Variants in MICAL2 observed in about 807,000 individuals in gnomAD.
MICAL2 encodes the protein microtubule associated monooxygenase, calponin and LIM domain containing 2.
A neutral mutation model predicts 127.3 loss-of-function variants in MICAL2; 77 were observed. The observed-to-expected ratio is 0.60, with a 90% CI of 0.50 to 0.73. The LOEUF (loss-of-function observed/expected upper bound fraction) is 0.73. MICAL2 is among the 30% of genes least tolerant of loss of function. The pLI, the probability that MICAL2 is intolerant of heterozygous loss-of-function variation, is 0.00. For missense variants in MICAL2, 1,351 were observed against 1,434.4 expected (o/e 0.94, Z 0.94); for synonymous variants, 570 against 551.1 (o/e 1.03, Z -0.48).
rs1171490597 is a variant in MICAL2 at position 12,212,950 on chromosome 11, G to A, written c.692-305G>A. Reference sequence around the variant, plus strand: ...TGTGGGTCTCTCATGAGTGTATCTAGCAACAATGCCTGACACATCCTTACA... The same window carrying A: ...TGTGGGTCTCTCATGAGTGTATCTAACAACAATGCCTGACACATCCTTACA... On this transcript the variant is annotated intron_variant, in intron 6 of 27. Coordinates refer to ENST00000683283, the MANE Select transcript of MICAL2 (RefSeq NM_001282663.2). Among the ~76,000 whole-genome samples, 4 of 152,174 alleles carry A rather than the reference G, an allele frequency of 2.6e-5. No homozygotes were observed. In the South Asian group the frequency reaches 6.2e-4, roughly 24 times the overall value.
chr11:12,339,608 T>G (rs530326508), intron 32 of MICAL2, among the ~76,000 whole-genome samples: 1 of 152,154 alleles, frequency 6.6e-6, no homozygotes, highest in Non-Finnish European at 1.5e-5. Flanking sequence ...ATGATGGTGA[T>G]GTACAGATGG....
chr11:12,317,948 T>G (rs1271715830), intron 29 of MICAL2, among the ~76,000 whole-genome samples: 4 of 152,234 alleles, frequency 2.6e-5, no homozygotes. Flanking sequence ...GAAATTTCAA[T>G]GGAAATATTT....
chr11:12,286,730 C>A (rs949925570), intron 2 of MICAL2, among the ~76,000 whole-genome samples: 1 of 152,144 alleles, frequency 6.6e-6, no homozygotes, highest in African/African-American at 2.4e-5. Context: ...AAAAAATTAT[C>A]TGCGTGTCGT....
intron 3 of MICAL2, among the ~76,000 whole-genome samples, chr11:12,181,828 G>T (rs1184774932): frequency 6.6e-6 from 1 of 152,254 alleles, no homozygotes; most frequent in African/African-American, 2.4e-5. Context: ...GGTAGTGCTA[G>T]TCTGGTACAC....
chr11:12,359,334 CAAAA>C (rs138650957), downstream of MICAL2, among the ~76,000 whole-genome samples: 1,590 of 137,274 alleles, frequency 0.012, 8 homozygotes, highest in Middle Eastern at 0.015. Flanking sequence ...TTGATGATGG[CAAAA>C]AAAAAAAAAA....
intron 30 of MICAL2, among the ~76,000 whole-genome samples, chr11:12,322,665 C>T (rs555677787): frequency 6.6e-6 from 1 of 152,138 alleles, no homozygotes; most frequent in Non-Finnish European, 1.5e-5. Context: ...AGAAGGCAAA[C>T]GAGTAAAAAT....
chr11:12,251,637 T>C (rs910256293), intron 22 of MICAL2, among the ~76,000 whole-genome samples: 2 of 127,834 alleles, frequency 1.6e-5, no homozygotes, highest in African/African-American at 3.0e-5. Flanking sequence ...GATGTGTGGG[T>C]GCCACGGGGA....
chr11:12,307,518 CAT>C (rs1864126714), intron 29 of MICAL2, among the ~76,000 whole-genome samples: 1 of 152,184 alleles, frequency 6.6e-6, no homozygotes, highest in African/African-American at 2.4e-5. Context: ...AAGAATTCCT[CAT>C]ATGTTTTCTC....
At chr11:12,259,970 T>C in intron 26 of MICAL2, 73 bp downstream of exon 26, 13 of 1,576,092 alleles carry the variant, frequency 8.2e-6, no homozygotes, top group Non-Finnish European at 9.5e-6. Context: ...TGTAACTGGA[T>C]GCAGGGACTC....
At chr11:12,335,142 G>C (rs77514603) in intron 32 of MICAL2, among the ~76,000 whole-genome samples, 1 of 140,744 alleles carries the variant, frequency 7.1e-6, no homozygotes, top group Non-Finnish European at 1.5e-5. Flanking sequence ...AATGATTGCC[G>C]TTCTAACTGG....
chr11:12,354,000 A>G (rs950296324), intron 33 of MICAL2, among the ~76,000 whole-genome samples: 5 of 152,218 alleles, frequency 3.3e-5, no homozygotes, highest in Admixed American at 6.5e-5. Flanking sequence ...TATGCTAGTC[A>G]TTTCTTCACT....
intron 15 of MICAL2, among the ~76,000 whole-genome samples, chr11:12,235,971 G>A (rs552001293): frequency 2.6e-5 from 4 of 152,298 alleles, no homozygotes; most frequent in Admixed American, 6.5e-5. Flanking sequence ...GGTTCTCTCC[G>A]CTGTGCCTGA....
intron 1 of MICAL2, among the ~76,000 whole-genome samples, chr11:12,125,528 A>G (rs971892975): frequency 2.6e-5 from 4 of 151,964 alleles, no homozygotes; most frequent in African/African-American, 7.2e-5. Context: ...TGCTGGGATT[A>G]CAGGCGTGAG....
chr11:12,326,781 C>T (rs559124332), intron 31 of MICAL2, among the ~76,000 whole-genome samples: 4 of 152,276 alleles, frequency 2.6e-5, no homozygotes, highest in African/African-American at 9.6e-5. Context: ...ACTTTGTTTG[C>T]CCCTGGACCC....
intron 29 of MICAL2, among the ~76,000 whole-genome samples, chr11:12,299,692 A>G (rs184659862): frequency 7.2e-5 from 11 of 152,336 alleles, no homozygotes; most frequent in Admixed American, 3.3e-4. Context: ...TTACATACAT[A>G]CAGTAACATC....
At chr11:12,252,255 T>G (rs1256960274) in intron 22 of MICAL2, among the ~76,000 whole-genome samples, 1 of 152,184 alleles carries the variant, frequency 6.6e-6, no homozygotes, top group Non-Finnish European at 1.5e-5. Context: ...GGGGCTAAAT[T>G]TCTTGGCATT....
chr11:12,324,830 C>G (rs1864337418), intron 31 of MICAL2, among the ~76,000 whole-genome samples: 3 of 152,184 alleles, frequency 2.0e-5, no homozygotes, highest in Admixed American at 2.0e-4. Context: ...CCGTGGCTGA[C>G]TTGGGAGCTA....
downstream of MICAL2, among the ~76,000 whole-genome samples, chr11:12,289,549 ACCT>A (rs1863868837): frequency 7.8e-6 from 1 of 127,918 alleles, no homozygotes; most frequent in East Asian, 2.3e-4. Context: ...GCCACTGGGC[ACCT>A]CTTGTTTTTT....
At chr11:12,310,782 G>A (rs1427946821) in intron 29 of MICAL2, among the ~76,000 whole-genome samples, 3 of 151,970 alleles carry the variant, frequency 2.0e-5, no homozygotes, top group East Asian at 3.9e-4. Flanking sequence ...ACATTTTAAC[G>A]ATATTCTTCC....
Sources: gnomAD v4.1 joint callset for allele counts (sites outside exome capture counted in the v4.1 genomes callset) on GRCh38, gnomAD v4.1.1 for gene constraint, MANE v1.5 for transcripts, NCBI Gene and HGNC (gene_info 2026-07-23, HGNC 2026-07-21) for gene names.